SYBU: variants seen among roughly 807,000 people sequenced by gnomAD.
The protein encoded by SYBU is syntabulin, also known as GOLSYN A protein.
SYBU carries 21 observed loss-of-function variants against 35.9 expected under a neutral mutation model. The observed-to-expected ratio is 0.58, with a 90% CI of 0.41 to 0.84. SYBU has a LOEUF of 0.84. Among genes scored for constraint, SYBU ranks in the 40% least tolerant of loss-of-function variants. The pLI is 0.00. For synonymous variants in SYBU, 319 were observed against 324.3 expected, an observed-to-expected ratio of 0.98 and a Z score of 0.18; for missense variants, 768 against 848.2, an observed-to-expected ratio of 0.91 and a Z score of 1.17.
intron 6 of SYBU, 82 bp downstream of exon 6, chr8:109,577,786 C>A (rs1554608363): frequency 5.0e-6 from 7 of 1,389,956 alleles, no homozygotes; most frequent in Non-Finnish European, 6.7e-6. Context: ...TCTTTTCTAT[C>A]TTTCTATAGT....
chr8:109,586,223 A>T, intron 3 of SYBU, 61 bp from the exon 4 acceptor site: 1 of 1,277,344 alleles, frequency 7.8e-7, no homozygotes. Context: ...CACATTGGCC[A>T]GTTCCCTGCC....
Position 109,575,398 on chromosome 8 carries a change from T to C in SYBU, c.1500A>G (p.Ser500=). ...TCTGCAGCACACTCTGAATGAGCTC[T>C]GAGATGGCTGGGCTGTAGGGCACCA... is the stretch of plus-strand genomic sequence containing the variant. ...TDVVPYSPAI[S]ELIQSVLQKL... is the part of the protein sequence containing the mutation. Residue 500 remains serine (S), a synonymous_variant, in exon 7 of 7, where the codon TCA becomes TCG. Transcript: ENST00000276646. 1 of 1,614,084 alleles carries C rather than the reference T, an allele frequency of 6.2e-7. No individual in the cohort carries two copies. Among genetic ancestry groups the C allele is most frequent in the Non-Finnish European group, 8.5e-7 (1 of 1,180,012 alleles).
intron 4 of SYBU, 126 bp from the exon 5 acceptor site, chr8:109,580,128 G>T: frequency 1.1e-6 from 1 of 885,622 alleles, no homozygotes; most frequent in Non-Finnish European, 1.8e-6. Context: ...AATTATTCGT[G>T]TAGACTGTCC....
chr8:109,684,298 C>A (rs939100760), upstream of SYBU, among the ~76,000 whole-genome samples: 6 of 150,452 alleles, frequency 4.0e-5, no homozygotes, highest in Non-Finnish European at 8.9e-5. Flanking sequence ...GCTACTAAAT[C>A]TGTTCTTTTT....
intron 1 of SYBU, among the ~76,000 whole-genome samples, chr8:109,653,337 T>C (rs1816227199): frequency 6.6e-6 from 1 of 152,204 alleles, no homozygotes; most frequent in African/African-American, 2.4e-5. Flanking sequence ...CTATGGCTTT[T>C]GAAGAAAGTG....
In SYBU at chr8:109,585,094, T is replaced by G. The variant is rs558970754; in HGVS notation, c.530+966A>C. Among the ~76,000 whole-genome samples the G allele has an allele frequency of 2.6e-5, 4 of 152,338 alleles. No homozygotes were observed. In the South Asian group the frequency reaches 8.3e-4, roughly 32 times the overall value. Reference sequence around the variant, plus strand: ...AAAAATAATTATATTATTTTTCAATTTATTGTCCTTCTTGTCCTACTACAA... The same window carrying G: ...AAAAATAATTATATTATTTTTCAATGTATTGTCCTTCTTGTCCTACTACAA... On this transcript the variant is annotated intron_variant, in intron 4 of 6. Transcript: ENST00000276646.
At chr8:109,633,936 G>C (rs1471611456) in intron 2 of SYBU, among the ~76,000 whole-genome samples, 2 of 152,056 alleles carry the variant, frequency 1.3e-5, no homozygotes, top group Non-Finnish European at 2.9e-5. Flanking sequence ...GTTTCATGAT[G>C]TTGGCCAGGG....
At chr8:109,595,284 G>A (rs1277641479) in intron 3 of SYBU, among the ~76,000 whole-genome samples, 1 of 152,086 alleles carries the variant, frequency 6.6e-6, no homozygotes, top group African/African-American at 2.4e-5. Flanking sequence ...GGCAGAGGAT[G>A]GTAAAAATTC....
intron 3 of SYBU, chr8:109,603,553 C>T (rs71526737): frequency 1.9e-5 from 4 of 207,208 alleles, no homozygotes; most frequent in Non-Finnish European, 3.4e-5. Context: ...TCAGTGTTCT[C>T]TACTTTCTCC....
rs1277166038 is a variant in SYBU, at chr8:109,575,457, T to G, written c.1441A>C (p.Ser481Arg). The G allele has an allele frequency of 6.2e-7, 1 of 1,614,044 alleles. No individual in the cohort carries two copies. Among genetic ancestry groups the G allele is most frequent in the East Asian group, 2.2e-5 (1 of 44,846 alleles). ...TGAACGGCTCGCTCCACCACCACAC[T>G]GCCCTCCTCCTGACCCATGACTATG... Reference protein sequence around the residue: ...LPIVMGQEEGSVVVERAVQTD... With the variant: ...LPIVMGQEEGRVVVERAVQTD... The change falls in exon 7 of 7, where the codon AGT becomes CGT. Residue 481 changes from serine to arginine, a missense_variant. Physicochemically the swap from Ser to Arg is moderately radical, Grantham distance 110 (BLOSUM62 -1). Coordinates refer to ENST00000276646, the MANE Select transcript of SYBU (RefSeq NM_001099754.2).
chr8:109,686,836 G>A (rs1412745165), intron 1 of SYBU, among the ~76,000 whole-genome samples: 1 of 152,248 alleles, frequency 6.6e-6, no homozygotes, highest in East Asian at 1.9e-4. Context: ...TATTTTCAGA[G>A]AAATAGATAA....
At chr8:109,666,427 C>T (rs1274247069) in intron 1 of SYBU, among the ~76,000 whole-genome samples, 2 of 152,082 alleles carry the variant, frequency 1.3e-5, no homozygotes, top group African/African-American at 2.4e-5. Flanking sequence ...CCAGACATTG[C>T]CAGACATCTC....
rs770097369 is a variant in SYBU at position 109,642,887 on chromosome 8, G to C, written c.70C>G (p.Arg24Gly). ...GGCCGAAGAATCAACCGGGGAATTC[G>C]GCTTCGAGAAATCTCCTTGTCATGA... Reference protein sequence around the residue: ...QHHDKEISRSRIPRLILRPHM... With the variant: ...QHHDKEISRSGIPRLILRPHM... The change falls in exon 2 of 7, where the codon CGA becomes GGA. Residue 24 changes from arginine (R) to glycine (G), a missense_variant. By Grantham distance (125) the Arg-to-Gly change is moderately radical. Transcript: ENST00000276646. 20 of 1,587,716 alleles carry C rather than the reference G, an allele frequency of 1.3e-5. No homozygotes were observed. In the East Asian group the frequency reaches 4.6e-4, roughly 36 times the overall value.
intron 4 of SYBU, chr8:109,580,559 T>C (rs113841237): frequency 0.018 from 2,697 of 153,828 alleles, 37 homozygotes; most frequent in Non-Finnish European, 0.024. Context: ...TGTTTCATTT[T>C]CTTCTAGCCC....
intron 3 of SYBU, among the ~76,000 whole-genome samples, chr8:109,603,651 G>A (rs1825780541): frequency 6.6e-6 from 1 of 152,076 alleles, no homozygotes; most frequent in Non-Finnish European, 1.5e-5. Context: ...AATAAATCAA[G>A]GCCACTCTTT....
In SYBU at chr8:109,575,138, A is replaced by C. The variant is rs761388565; in HGVS notation, c.1760T>G (p.Leu587Trp). ...GCGAGCCAGTGGGATGACACCATCC[A>C]ACCTCTCTTCCACGCAGGCTGCAAA... Reference protein sequence around the residue: ...LDFAACVEERLDGVIPLARGG... With the variant: ...LDFAACVEERWDGVIPLARGG... The change falls in exon 7 of 7, where the codon TTG becomes TGG. Residue 587 changes from leucine to tryptophan, a missense_variant. Physicochemically the swap from Leu to Trp is moderately conservative, Grantham distance 61 (BLOSUM62 -2). Coordinates refer to ENST00000276646, the MANE Select transcript of SYBU (RefSeq NM_001099754.2). The C allele has an allele frequency of 3.1e-6, 5 of 1,614,068 alleles. No homozygotes were observed. The highest frequency in any genetic ancestry group is 3.3e-5 in the Admixed American group (2 of 60,010).
At chr8:109,621,850 T>C (rs1812434540) in intron 2 of SYBU, among the ~76,000 whole-genome samples, 1 of 152,182 alleles carries the variant, frequency 6.6e-6, no homozygotes, top group South Asian at 2.1e-4. Context: ...CCATGAATTT[T>C]CCTACTACAG....
At chr8:109,593,490 A>G (rs1476344732) in intron 3 of SYBU, among the ~76,000 whole-genome samples, 1 of 152,170 alleles carries the variant, frequency 6.6e-6, no homozygotes, top group African/African-American at 2.4e-5. Flanking sequence ...GGTTGTTTGA[A>G]ACTGGGCCAG....
intron 1 of SYBU, among the ~76,000 whole-genome samples, chr8:109,666,122 G>A (rs1369210225): frequency 6.6e-6 from 1 of 152,214 alleles, no homozygotes; most frequent in Non-Finnish European, 1.5e-5. Context: ...TCAGATGGAA[G>A]AGAACACCAT....
Sources: allele counts gnomAD v4.1 joint callset (sites outside exome capture counted in the v4.1 genomes callset), GRCh38; gene constraint gnomAD v4.1.1; transcripts MANE v1.5; gene names NCBI Gene and HGNC (gene_info 2026-07-23, HGNC 2026-07-21).